The following FGF20 variants were observed in gnomAD, a reference collection of about 807,000 sequenced individuals.
FGF20 encodes the protein fibroblast growth factor 20.
Under a neutral mutation model 16.7 loss-of-function variants are expected in FGF20, and 8 were observed. That is an observed-to-expected ratio of 0.48 (90% CI 0.28 to 0.87). The LOEUF (loss-of-function observed/expected upper bound fraction) is 0.87, where lower values mean the gene tolerates loss of function less well. FGF20 is among the 40% of genes least tolerant of loss of function. The pLI is 0.10. For synonymous variants in FGF20, 161 were observed against 118.6 expected (o/e 1.36, Z -2.32); for missense variants, 397 against 281.4 (o/e 1.41, Z -2.94).
rs1235000047 is a variant in FGF20, at chr8:16,995,673, T to C, written c.372A>G (p.Lys124=). ...DSGLYLGMND[K]GELYGSEKLT... is the part of the protein sequence containing the mutation. ...TACGTACTGATCCATAGAGTTCTCCTTTGTCATTCATTCCAAGATAGAGAC... is the reference window on the plus strand; with the variant it reads ...TACGTACTGATCCATAGAGTTCTCCCTTGTCATTCATTCCAAGATAGAGAC... Residue 124 remains lysine, a synonymous_variant, in exon 2 of 3, where the codon AAA becomes AAG. Coordinates refer to ENST00000180166, the MANE Select transcript of FGF20 (RefSeq NM_019851.3). The C allele has an allele frequency of 6.3e-7, 1 of 1,576,670 alleles. No homozygotes were observed. Among genetic ancestry groups the C allele is most frequent in the Admixed American group, 1.7e-5 (1 of 58,712 alleles).
chr8:17,002,035 A>AG lies in FGF20; in HGVS notation c.-4dup. ...CCGACTTCGGCTAAGGGAGCCATGG[A>AG]GGGGGAGATCCGGAACACAAAAGAC... On this transcript the variant is annotated 5_prime_UTR_variant, in exon 1 of 3. Transcript: ENST00000180166. The AG allele has an allele frequency of 6.5e-7, 1 of 1,538,544 alleles. No homozygotes were observed. The highest frequency in any genetic ancestry group is 8.7e-7 in the Non-Finnish European group (1 of 1,143,366).
At position 17,001,766 on chromosome 8, in the gene FGF20, C is replaced by T; in HGVS notation, c.267G>A (p.Arg89=). 6.3e-7 allele frequency: 1 copy of T among 1,577,776 alleles called. No homozygotes were observed. The highest frequency in any genetic ancestry group is 8.6e-7 in the Non-Finnish European group (1 of 1,165,448). ...ACGTACCGAAGAGGCTGTGGTCCTGCCGGGTGCCCTGCACGCTGCCGTCGG... is the reference window on the plus strand; with the variant it reads ...ACGTACCGAAGAGGCTGTGGTCCTGTCGGGTGCCCTGCACGCTGCCGTCGG... ...ILPDGSVQGT[R]QDHSLFGILE... is the part of the protein sequence containing the mutation. Residue 89 remains arginine, a synonymous_variant, in exon 1 of 3, where the codon CGG becomes CGA. Coordinates refer to ENST00000180166, the MANE Select transcript of FGF20 (RefSeq NM_019851.3).
chr8:16,997,017 A>T (rs1395522734), intron 1 of FGF20, among the ~76,000 whole-genome samples: 2 of 152,222 alleles, frequency 1.3e-5, no homozygotes, highest in African/African-American at 2.4e-5. Flanking sequence ...GGACTTTATA[A>T]TTCATTAAAT....
At position 16,993,134 on chromosome 8, in the gene FGF20, G is replaced by C. The variant is rs777035608; in HGVS notation, c.574C>G (p.Pro192Ala). The C allele has an allele frequency of 1.9e-6, 3 of 1,614,010 alleles. No homozygotes were observed. Among genetic ancestry groups the C allele is most frequent in the Non-Finnish European group, 2.5e-6 (3 of 1,179,978 alleles). Residue 192 changes from proline (P) to alanine (A), a missense_variant, in exon 3 of 3, where the codon CCT (proline) becomes GCT (alanine). Physicochemically the swap from Pro to Ala is conservative, Grantham distance 27 (BLOSUM62 -1). Transcript: ENST00000180166. ...KRHQKFTHFLPRPVDPERVPE... is the reference protein window; with the variant it reads ...KRHQKFTHFLARPVDPERVPE... ...ACTCTTTCTGGATCCACTGGTCTAG[G>C]TAAGAAATGTGTAAATTTCTGATGC...
chr8:16,998,762 T>A (rs1810115359), intron 1 of FGF20, among the ~76,000 whole-genome samples: 1 of 152,100 alleles, frequency 6.6e-6, no homozygotes, highest in African/African-American at 2.4e-5. Flanking sequence ...GGCTAAACTT[T>A]TTTTTTTTCA....
chr8:17,001,834 G>A lies in FGF20; in HGVS notation c.199C>T (p.Arg67Trp), dbSNP rs745633361. 1 of 1,527,000 alleles carries A rather than the reference G, an allele frequency of 6.5e-7. No homozygotes were observed. Among genetic ancestry groups the A allele is most frequent in the Non-Finnish European group, 8.8e-7 (1 of 1,141,156 alleles). The allele number at this position is 1,527,000 out of a possible 1,614,324, so 94.6% of individuals were successfully genotyped here. A position where few individuals can be genotyped will look rare whatever the true frequency, so the allele number is the denominator to read the frequency against. The change falls in exon 1 of 3, where the codon CGG (arginine) becomes TGG (tryptophan). Residue 67 changes from arginine to tryptophan, a missense_variant. Arg to Trp is a moderately radical substitution (Grantham distance 101). Coordinates refer to ENST00000180166, the MANE Select transcript of FGF20 (RefSeq NM_019851.3). ...AAGCCGGTGCGGCAATAGAGCTGCC[G>A]GCGGCGCAGGATGCCGTGCAGGTGC... ...LAHLHGILRR[R>W]QLYCRTGFHL...
At chr8:16,997,926 G>C (rs1237263125) in intron 1 of FGF20, among the ~76,000 whole-genome samples, 2 of 152,100 alleles carry the variant, frequency 1.3e-5, no homozygotes, top group African/African-American at 4.8e-5. Context: ...AAATTAAAAA[G>C]TGTTCTGTGG....
At chr8:16,998,279 C>T (rs1212440931) in intron 1 of FGF20, among the ~76,000 whole-genome samples, 1 of 152,102 alleles carries the variant, frequency 6.6e-6, no homozygotes, top group East Asian at 1.9e-4. Context: ...CACCCAAAAC[C>T]TTATACATAA....
Position 16,993,063 on chromosome 8 carries a change from T to C in FGF20, c.*9A>G. Reference sequence around the variant, plus strand: ...TGGTTTGACTCTTCCATAATGTCACTATCGCACTTCAAGTGTACATCAGTA... The same window carrying C: ...TGGTTTGACTCTTCCATAATGTCACCATCGCACTTCAAGTGTACATCAGTA... On this transcript the variant is annotated 3_prime_UTR_variant, in exon 3 of 3. Coordinates refer to ENST00000180166, the MANE Select transcript of FGF20 (RefSeq NM_019851.3). 10 of 1,612,962 alleles carry C rather than the reference T, an allele frequency of 6.2e-6. No homozygotes were observed. Among genetic ancestry groups the C allele is most frequent in the South Asian group, 2.2e-5 (2 of 90,864 alleles).
rs548070321 is a variant in FGF20, at chr8:16,996,009, C to T, written c.287-251G>A. Among the ~76,000 whole-genome samples the T allele has an allele frequency of 2.0e-5, 3 of 152,290 alleles. No individual in the cohort carries two copies. In the East Asian group the frequency reaches 5.8e-4, roughly 29 times the overall value. The stretch of plus-strand genomic sequence containing the variant: ...GTATAAAGGGGTTCCCAGAGAACCT[C>T]TGACCGGCCTGCGTGCTGGGACAAC... On this transcript the variant is annotated intron_variant, in intron 1 of 2. Transcript: ENST00000180166.
rs2150433540 is a variant in FGF20, at chr8:16,993,093, C to T, written c.615G>A (p.Lys205=). Reference sequence around the variant, plus strand: ...CACTTCAAGTGTACATCAGTAGGTCCTTGTACAATTCTGGAACTCTTTCTG... The same window carrying T: ...CACTTCAAGTGTACATCAGTAGGTCTTTGTACAATTCTGGAACTCTTTCTG... ...VDPERVPELY[K]DLLMYT The change falls in exon 3 of 3, where the codon AAG becomes AAA. Residue 205 remains lysine, a synonymous_variant. Coordinates refer to ENST00000180166, the MANE Select transcript of FGF20 (RefSeq NM_019851.3). The T allele has an allele frequency of 6.2e-7, 1 of 1,613,970 alleles. No homozygotes were observed. The highest frequency in any genetic ancestry group is 8.5e-7 in the Non-Finnish European group (1 of 1,179,934).
At chr8:16,998,457 C>T (rs1236382747) in intron 1 of FGF20, among the ~76,000 whole-genome samples, 1 of 152,126 alleles carries the variant, frequency 6.6e-6, no homozygotes, top group East Asian at 1.9e-4. Context: ...TGAGATTTGA[C>T]AAGTCTTTCT....
rs937378995 is a variant in FGF20 at position 17,001,607 on chromosome 8, T to C, written c.286+140A>G. On this transcript the variant is annotated intron_variant, in intron 1 of 2. Transcript: ENST00000180166. ...AGCCCTTCAGCCCCAGCCTGCGTCT[T>C]GCACCGGATGGGTCCAGGGGAGCTC... The C allele has an allele frequency of 1.7e-5, 16 of 960,818 alleles. 3 individuals carry two copies. The South Asian group carries it at 4.8e-4, about 29-fold the overall frequency. The allele number at this position is 960,818 out of a possible 1,614,324, so 59.5% of individuals were successfully genotyped here. A position where few individuals can be genotyped will look rare whatever the true frequency, so the allele number is the denominator to read the frequency against.
rs1372415388 is a variant in FGF20 at position 17,002,075 on chromosome 8, G to C, written c.-43C>G. The C allele has an allele frequency of 2.0e-6, 3 of 1,488,688 alleles. No individual in the cohort carries two copies. The highest frequency in any genetic ancestry group is 5.2e-5 in the Admixed American group (2 of 38,412). 92.2% of individuals were successfully genotyped at this position (1,488,688 alleles called of 1,614,324 possible). A position where few individuals can be genotyped will look rare whatever the true frequency, so the allele number is the denominator to read the frequency against. ...ACACAAAAGACCCCCCCAGTAAAGA[G>C]TGTTGTGGGGGTGGGATGGAGGTGG... is the stretch of plus-strand genomic sequence containing the variant. On this transcript the variant is annotated 5_prime_UTR_variant, in exon 1 of 3. Transcript: ENST00000180166.
At chr8:17,001,424 T>TGATGCCG (rs1810178336) in intron 1 of FGF20, among the ~76,000 whole-genome samples, 1 of 151,812 alleles carries the variant, frequency 6.6e-6, no homozygotes, top group Admixed American at 6.6e-5. Flanking sequence ...CACCAGGTCT[T>TGATGCCG]GGTGTCCCCG....
rs771766172 is a variant in FGF20, at chr8:17,001,743, G to T, written c.286+4C>A. The T allele has an allele frequency of 1.5e-5, 23 of 1,576,800 alleles. No homozygotes were observed. The African/African-American group carries it at 1.7e-4, about 11-fold the overall frequency. Reference sequence around the variant, plus strand: ...GGGGGTGGGGTCGGGATGCTAGTACGTACCGAAGAGGCTGTGGTCCTGCCG... The same window carrying T: ...GGGGGTGGGGTCGGGATGCTAGTACTTACCGAAGAGGCTGTGGTCCTGCCG... On this transcript the variant is annotated splice_donor_region_variant and intron_variant, in intron 1 of 2. Coordinates refer to ENST00000180166, the MANE Select transcript of FGF20 (RefSeq NM_019851.3).
chr8:16,996,902 C>T (rs1810065926), intron 1 of FGF20, among the ~76,000 whole-genome samples: 1 of 152,156 alleles, frequency 6.6e-6, no homozygotes, highest in South Asian at 2.1e-4. Context: ...GACACTGTTT[C>T]TTGAGGACAA....
In FGF20 at chr8:17,001,879, G is replaced by C. The variant is rs1337956675; in HGVS notation, c.154C>G (p.Pro52Ala). ...SAAERSARGG[P>A]GAAQLAHLHG... Reference sequence around the variant, plus strand: ...AGGTGCGCCAGCTGCGCAGCCCCCGGCCCGCCGCGCGCGCTCCGCTCCGCC... The same window carrying C: ...AGGTGCGCCAGCTGCGCAGCCCCCGCCCCGCCGCGCGCGCTCCGCTCCGCC... Residue 52 changes from proline (P) to alanine (A), a missense_variant, in exon 1 of 3, where the codon CCG (proline) becomes GCG (alanine). Transcript: ENST00000180166. 1 of 1,435,618 alleles carries C rather than the reference G, an allele frequency of 7.0e-7. No homozygotes were observed. Among genetic ancestry groups the C allele is most frequent in the Non-Finnish European group, 9.1e-7 (1 of 1,099,754 alleles). The allele number at this position is 1,435,618 out of a possible 1,614,324, so 88.9% of individuals were successfully genotyped here.
At chr8:16,996,022 G>A (rs904982461) in intron 1 of FGF20, among the ~76,000 whole-genome samples, 5 of 152,158 alleles carry the variant, frequency 3.3e-5, no homozygotes, top group Admixed American at 6.5e-5. Flanking sequence ...ACCGGCCTGC[G>A]TGCTGGGACA....
Sources: allele counts gnomAD v4.1 joint callset (sites outside exome capture counted in the v4.1 genomes callset), GRCh38; gene constraint gnomAD v4.1.1; transcripts MANE v1.5; gene names NCBI Gene and HGNC (gene_info 2026-07-23, HGNC 2026-07-21).